The following SYT11 variants were observed in gnomAD, a reference collection of about 807,000 sequenced individuals.
SYT11 encodes synaptotagmin 11.
In SYT11, 12 loss-of-function variants were observed where a neutral mutation model predicts 30.4. The observed-to-expected ratio is 0.39, with a 90% CI of 0.25 to 0.64. SYT11 has a LOEUF of 0.64. SYT11 is among the 30% of genes least tolerant of loss of function. The probability of loss-of-function intolerance (pLI) is 0.45; values close to 1 mark genes in which losing one functional copy is unlikely to be tolerated. For missense variants in SYT11, 412 were observed against 552.0 expected, an observed-to-expected ratio of 0.75 and a Z score of 2.54; for synonymous variants, 204 against 216.0, an observed-to-expected ratio of 0.94 and a Z score of 0.49.
At chr1:155,867,327 G>A (rs822523) in intron 1 of SYT11, among the ~76,000 whole-genome samples, 127,028 of 152,096 alleles carry the variant, frequency 0.84, 55,478 homozygotes, top group East Asian at 1. Flanking sequence ...CCAAAGTGCC[G>A]GGATTACAGG....
At position 155,881,284 on chromosome 1, in the gene SYT11, A is replaced by G. The variant is rs151122665; in HGVS notation, c.1072A>G (p.Ile358Val). ...THVKKCTLNP[I>V]FNESFIYDIP... Reference sequence around the variant, plus strand: ...TGTGAAGAAGTGCACTTTGAACCCCATCTTCAATGAATCTTTCATCTACGA... The same window carrying G: ...TGTGAAGAAGTGCACTTTGAACCCCGTCTTCAATGAATCTTTCATCTACGA... Residue 358 changes from isoleucine to valine, a missense_variant, in exon 4 of 4, where the codon ATC becomes GTC. Physicochemically the swap from Ile to Val is conservative, Grantham distance 29 (BLOSUM62 3). Transcript: ENST00000368324. 24 of 1,614,162 alleles carry G rather than the reference A, an allele frequency of 1.5e-5. No individual in the cohort carries two copies. The African/African-American group carries it at 2.3e-4, about 15-fold the overall frequency.
rs1258204968 is a variant in SYT11, at chr1:155,868,384, C to T, written c.454C>T (p.Pro152Ser). Residue 152 changes from proline (P) to serine (S), a missense_variant, in exon 2 of 4, where the codon CCA becomes TCA. Coordinates refer to ENST00000368324, the MANE Select transcript of SYT11 (RefSeq NM_152280.5). This position sits in a 1 kb window ranked among gnomAD's most constrained non-coding sequence, Gnocchi z 4.7. Reference sequence around the variant, plus strand: ...GAGCAAAACCACCTCTCCATCATCTCCAGAGGAGGATGTCATGCTAGGATC... The same window carrying T: ...GAGCAAAACCACCTCTCCATCATCTTCAGAGGAGGATGTCATGCTAGGATC... ...GESKTTSPSSPEEDVMLGSLT... is the reference protein window; with the variant it reads ...GESKTTSPSSSEEDVMLGSLT... 6.2e-7 allele frequency: 1 copy of T among 1,614,002 alleles called. No homozygotes were observed. Among genetic ancestry groups the T allele is most frequent in the Non-Finnish European group, 8.5e-7 (1 of 1,179,968 alleles).
At chr1:155,870,721 G>A (rs1242135764) in intron 2 of SYT11, among the ~76,000 whole-genome samples, 3 of 152,126 alleles carry the variant, frequency 2.0e-5, no homozygotes, top group African/African-American at 7.2e-5. Context: ...GCTGAAGAAG[G>A]GTACTGTGCC....
chr1:155,869,657 C>G (rs555383853), intron 2 of SYT11, among the ~76,000 whole-genome samples: 1 of 152,102 alleles, frequency 6.6e-6, no homozygotes, highest in Non-Finnish European at 1.5e-5. Flanking sequence ...TTGCCATAGA[C>G]ACTTCCCCTC....
chr1:155,881,399 T>C lies in SYT11; in HGVS notation c.1187T>C (p.Leu396Pro). ...ACCAAGAATGAGGTGGTGGGGAGGC[T>C]GATCCTGGGGGCACACAGTGTCACA... is the stretch of plus-strand genomic sequence containing the variant. ...RTTKNEVVGR[L>P]ILGAHSVTAS... Residue 396 changes from leucine to proline, a missense_variant, in exon 4 of 4, where the codon CTG becomes CCG. Coordinates refer to ENST00000368324, the MANE Select transcript of SYT11 (RefSeq NM_152280.5). 6.2e-7 allele frequency: 1 copy of C among 1,613,838 alleles called. No individual in the cohort carries two copies. Among genetic ancestry groups the C allele is most frequent in the Non-Finnish European group, 8.5e-7 (1 of 1,179,962 alleles).
At chr1:155,880,366 G>C in intron 2 of SYT11, 134 bp from the exon 3 acceptor site, 1 of 951,110 alleles carries the variant, frequency 1.1e-6, no homozygotes, top group Non-Finnish European at 1.5e-6. Flanking sequence ...CTTTCCAGGG[G>C]ATGAGCATCT....
chr1:155,869,083 T>G (rs995571875), intron 2 of SYT11, among the ~76,000 whole-genome samples: 1 of 152,140 alleles, frequency 6.6e-6, no homozygotes, highest in African/African-American at 2.4e-5. Flanking sequence ...GGCCTACCAT[T>G]TGTAGATCCT....
chr1:155,878,884 A>AAAAT (rs1404610510), intron 2 of SYT11, among the ~76,000 whole-genome samples: 4 of 151,162 alleles, frequency 2.6e-5, no homozygotes, highest in African/African-American at 2.4e-5. Flanking sequence ...ATAAAATTAA[A>AAAAT]AAATAAATAA....
chr1:155,881,600 T>C lies in SYT11; in HGVS notation c.*92T>C. ...ACAGAGAAGTGGACTCCAAACCTCA[T>C]TTTAGTTGTAGAAGAAAATTTCTTA... On this transcript the variant is annotated 3_prime_UTR_variant, in exon 4 of 4. Transcript: ENST00000368324. 1 of 1,257,648 alleles carries C rather than the reference T, an allele frequency of 8.0e-7. No homozygotes were observed. Among genetic ancestry groups the C allele is most frequent in the Non-Finnish European group, 1.1e-6 (1 of 917,234 alleles). 77.9% of individuals were successfully genotyped at this position (1,257,648 alleles called of 1,614,324 possible).
At position 155,860,621 on chromosome 1, in the gene SYT11, C is replaced by T. The variant is rs1346841981; in HGVS notation, c.34+826C>T. Among the ~76,000 whole-genome samples the T allele has an allele frequency of 6.6e-6, 1 of 152,008 alleles. No individual in the cohort carries two copies. Among genetic ancestry groups the T allele is most frequent in the Non-Finnish European group, 1.5e-5 (1 of 67,998 alleles). On this transcript the variant is annotated intron_variant, in intron 1 of 3. Transcript: ENST00000368324. The surrounding 1 kb of genome is among the most constrained non-coding windows in gnomAD (Gnocchi z 4.1). ...GCGATCCAGGCCGGAGGGGGAGGGGCGAAAGAGGCCCAGCCCGGGGGAGGC... is the reference window on the plus strand; with the variant it reads ...GCGATCCAGGCCGGAGGGGGAGGGGTGAAAGAGGCCCAGCCCGGGGGAGGC...
chr1:155,866,909 C>CAT (rs571956830), intron 1 of SYT11, among the ~76,000 whole-genome samples: 50 of 151,586 alleles, frequency 3.3e-4, no homozygotes, highest in Non-Finnish European at 5.9e-4. Context: ...TACATAAATA[C>CAT]ATATATATAC....
intron 1 of SYT11, among the ~76,000 whole-genome samples, chr1:155,866,991 C>T (rs199568335): frequency 6.1e-4 from 49 of 79,944 alleles, no homozygotes; most frequent in Admixed American, 1.4e-3. Flanking sequence ...CACACACACA[C>T]ATATATATAT....
chr1:155,862,263 A>G lies in SYT11; in HGVS notation c.34+2468A>G, dbSNP rs77744481. Among the ~76,000 whole-genome samples the G allele has an allele frequency of 2.5e-3, 386 of 152,346 alleles. 4 individuals are homozygous for G. In the East Asian group the frequency reaches 0.048, roughly 19 times the overall value. On this transcript the variant is annotated intron_variant, in intron 1 of 3. Transcript: ENST00000368324. ...AGGAGCGAGAAGCACAGGTCACTGC[A>G]ATTTATAGCTACTTTAAAACACTCA...
In SYT11 at chr1:155,880,587, C is replaced by T. The variant is rs776016732; in HGVS notation, c.949C>T (p.His317Tyr). The change falls in exon 3 of 4, where the codon CAC becomes TAC. Residue 317 changes from histidine (H) to tyrosine (Y), a missense_variant. By Grantham distance (83) the His-to-Tyr change is moderately conservative (BLOSUM62 2). Coordinates refer to ENST00000368324, the MANE Select transcript of SYT11 (RefSeq NM_152280.5). ...GACAGTGGTGGTCCTCAAAGCCAGA[C>T]ACTTGCCGAAGATGGATATCACCGG... ...RMTVVVLKAR[H>Y]LPKMDITGLS... 45 of 1,614,012 alleles carry T rather than the reference C, an allele frequency of 2.8e-5. No homozygotes were observed. Among genetic ancestry groups the T allele is most frequent in the Non-Finnish European group, 3.7e-5 (44 of 1,179,998 alleles).
chr1:155,866,959 T>C (rs887032038), intron 1 of SYT11, among the ~76,000 whole-genome samples: 2 of 128,850 alleles, frequency 1.6e-5, no homozygotes, highest in African/African-American at 5.6e-5. Context: ...CATATACATA[T>C]ATACACATAC....
chr1:155,874,614 G>T (rs536943259), intron 2 of SYT11, among the ~76,000 whole-genome samples: 1 of 148,822 alleles, frequency 6.7e-6, no homozygotes, highest in South Asian at 2.1e-4. Context: ...AATAAGGCCG[G>T]GCGCGGTGGC....
At chr1:155,880,283 G>A (rs975489590) in intron 2 of SYT11, among the ~76,000 whole-genome samples, 3 of 152,186 alleles carry the variant, frequency 2.0e-5, no homozygotes, top group Admixed American at 6.5e-5. Context: ...GGCTCTCCAT[G>A]CAAATTATTT....
intron 1 of SYT11, 117 bp downstream of exon 1, chr1:155,859,912 A>G: frequency 9.8e-7 from 1 of 1,022,844 alleles, no homozygotes; most frequent in Non-Finnish European, 1.5e-6. Flanking sequence ...TGCCAGCCCC[A>G]CTAAAATCGG....
At position 155,873,445 on chromosome 1, in the gene SYT11, C is replaced by T. The variant is rs541637976; in HGVS notation, c.861+4654C>T. On this transcript the variant is annotated intron_variant, in intron 2 of 3. Transcript: ENST00000368324. The stretch of plus-strand genomic sequence containing the variant: ...GTCTCAAAAAAAAGAAATAATGAAA[C>T]GTTGCTTTTCCCCCACCTATCCTTC... 8.5e-5 allele frequency among the ~76,000 whole-genome samples: 13 copies of T among 152,168 alleles called. No homozygotes were observed. The South Asian group carries it at 1.5e-3, about 17-fold the overall frequency.
Sources: allele counts gnomAD v4.1 joint callset (sites outside exome capture counted in the v4.1 genomes callset), GRCh38; gene constraint gnomAD v4.1.1; non-coding constraint Gnocchi (gnomAD v3.1); transcripts MANE v1.5; gene names NCBI Gene and HGNC (gene_info 2026-07-23, HGNC 2026-07-21).